The following CTNNA3 variants were observed in gnomAD, a reference collection of about 807,000 sequenced individuals.
CTNNA3 encodes catenin alpha-3.
CTNNA3 carries 76 observed loss-of-function variants against 95.7 expected under a neutral mutation model. The ratio of observed to expected loss-of-function variants is 0.79; its 90% confidence interval spans 0.66 to 0.96. The LOEUF is 0.96. Ranked by LOEUF, CTNNA3 falls within the 40% of genes least tolerant of loss-of-function variation. The pLI is 0.00. For synonymous variants in CTNNA3, 431 were observed against 374.4 expected (o/e 1.15, Z -1.74); for missense variants, 1,191 against 1,089.8 (o/e 1.09, Z -1.31).
At chr10:67,476,588 C>A (rs1181229074) in intron 5 of CTNNA3, among the ~76,000 whole-genome samples, 1 of 151,742 alleles carries the variant, frequency 6.6e-6, no homozygotes, top group African/African-American at 2.4e-5. Flanking sequence ...TTGCCTGGAA[C>A]AGCAGCCTGA....
At chr10:66,717,900 C>T (rs904735926) in intron 9 of CTNNA3, among the ~76,000 whole-genome samples, 4 of 152,146 alleles carry the variant, frequency 2.6e-5, no homozygotes, top group Admixed American at 1.3e-4. Flanking sequence ...CCCTTATGAA[C>T]CCAGTGTGTG....
At chr10:66,553,970 ATTATT>A (rs1435488556) in intron 10 of CTNNA3, among the ~76,000 whole-genome samples, 1 of 152,086 alleles carries the variant, frequency 6.6e-6, no homozygotes, top group African/African-American at 2.4e-5. Context: ...AAACATTATT[ATTATT>A]TTATTGTGTC....
chr10:66,621,932 A>AAAG (rs1484214116), intron 9 of CTNNA3, 148 bp from the exon 10 acceptor site: 1 of 524,992 alleles, frequency 1.9e-6, no homozygotes, highest in African/African-American at 2.0e-5. Flanking sequence ...CTATTTTATG[A>AAAG]AAGAATTCAG....
intron 5 of CTNNA3, among the ~76,000 whole-genome samples, chr10:67,519,525 T>A (rs1045558027): frequency 6.6e-6 from 1 of 152,186 alleles, no homozygotes; most frequent in African/African-American, 2.4e-5. Context: ...TGATTTTAAT[T>A]GCCTATAATC....
At chr10:65,998,128 A>T (rs1298897856) in intron 15 of CTNNA3, among the ~76,000 whole-genome samples, 1 of 152,246 alleles carries the variant, frequency 6.6e-6, no homozygotes, top group African/African-American at 2.4e-5. Context: ...TCAGGATTCT[A>T]CAAGGTAGGA....
At position 66,806,754 on chromosome 10, in the gene CTNNA3, ATATGTGTG is replaced by A. The variant is rs1453067887; in HGVS notation, c.1048-31238_1048-31231del. On this transcript the variant is annotated intron_variant, in intron 7 of 17. Coordinates refer to ENST00000433211, the MANE Select transcript of CTNNA3 (RefSeq NM_013266.4). ...TCTATATTTATAGAGAATGTGGCAT[ATATGTGTG>A]TGTGTGTGTGTGTGTGTGTGTGTGT... Among the ~76,000 whole-genome samples, 486 of 73,462 alleles carry A rather than the reference ATATGTGTG, an allele frequency of 6.6e-3. 2 individuals are homozygous for A. Among genetic ancestry groups the A allele is most frequent in the African/African-American group, 0.02 (336 of 16,854 alleles). The allele number at this position is 73,462 out of a possible 152,430, so 48.2% of individuals were successfully genotyped here.
intron 13 of CTNNA3, among the ~76,000 whole-genome samples, chr10:66,225,348 C>T (rs1451743367): frequency 6.8e-6 from 1 of 147,040 alleles, no homozygotes; most frequent in Non-Finnish European, 1.5e-5. Flanking sequence ...TCCAGACTCA[C>T]CCATGTTTCC....
intron 7 of CTNNA3, among the ~76,000 whole-genome samples, chr10:67,094,367 A>C (rs567998970): frequency 6.6e-6 from 1 of 152,014 alleles, no homozygotes; most frequent in African/African-American, 2.4e-5. Flanking sequence ...TAGGTCTTTT[A>C]AATTGAAGTA....
At chr10:66,876,225 G>A (rs1032378838) in intron 7 of CTNNA3, among the ~76,000 whole-genome samples, 1 of 151,988 alleles carries the variant, frequency 6.6e-6, no homozygotes, top group African/African-American at 2.4e-5. Flanking sequence ...AAAACTTGTC[G>A]GAAAAGAAAA....
intron 7 of CTNNA3, among the ~76,000 whole-genome samples, chr10:66,789,059 C>T (rs1205169292): frequency 2.6e-5 from 4 of 152,152 alleles, no homozygotes; most frequent in Admixed American, 2.6e-4. Flanking sequence ...GTTATAATAA[C>T]AAGTGCATTG....
intron 3 of CTNNA3, among the ~76,000 whole-genome samples, chr10:67,568,293 A>C (rs1217503049): frequency 1.3e-5 from 2 of 151,832 alleles, no homozygotes; most frequent in Admixed American, 6.6e-5. Context: ...TTAGTCAGAG[A>C]AAACCATTAC....
intron 15 of CTNNA3, among the ~76,000 whole-genome samples, chr10:66,052,885 C>T (rs10996861): frequency 0.21 from 31,968 of 151,884 alleles, 3,451 homozygotes; most frequent in Admixed American, 0.25. Context: ...TGAGACATGA[C>T]GAGGTTGAGG....
At chr10:67,275,663 A>T (rs1412145983) in intron 5 of CTNNA3, among the ~76,000 whole-genome samples, 1 of 152,198 alleles carries the variant, frequency 6.6e-6, no homozygotes, top group Non-Finnish European at 1.5e-5. Flanking sequence ...ATTCAAAAAA[A>T]GTGGAACCAA....
intron 15 of CTNNA3, among the ~76,000 whole-genome samples, chr10:66,050,817 G>A (rs1183383073): frequency 1.3e-5 from 2 of 151,708 alleles, no homozygotes; most frequent in African/African-American, 4.8e-5. Context: ...TAATCCACAG[G>A]ACATAGGCTG....
intron 9 of CTNNA3, among the ~76,000 whole-genome samples, chr10:66,665,190 T>C (rs1846406113): frequency 7.0e-6 from 1 of 142,906 alleles, no homozygotes; most frequent in Non-Finnish European, 1.5e-5. Flanking sequence ...ATATAAATTT[T>C]CTGCCTTTTC....
At chr10:66,229,820 G>T (rs2089499202) in intron 13 of CTNNA3, among the ~76,000 whole-genome samples, 1 of 151,968 alleles carries the variant, frequency 6.6e-6, no homozygotes. Flanking sequence ...CTGCCTTTTA[G>T]CATCTTTTCT....
intron 6 of CTNNA3, among the ~76,000 whole-genome samples, chr10:67,196,039 A>C (rs1231331153): frequency 6.6e-6 from 1 of 152,158 alleles, no homozygotes; most frequent in Non-Finnish European, 1.5e-5. Flanking sequence ...AGAAATAATA[A>C]GCACACAGCA....
chr10:67,363,445 TAACTA>T lies in CTNNA3; in HGVS notation c.580-143580_580-143576del, dbSNP rs781679273. Among the ~76,000 whole-genome samples, 176 of 151,334 alleles carry T rather than the reference TAACTA, an allele frequency of 1.2e-3. 1 individual carries two copies. Among genetic ancestry groups the T allele is most frequent in the Non-Finnish European group, 9.3e-4 (63 of 67,794 alleles). ...TCAAAAGCTAGCAGAAGGCAAGAAATAACTAAGATCAGAGCAGAACTGAAAAAGAA... is the reference window on the plus strand; with the variant it reads ...TCAAAAGCTAGCAGAAGGCAAGAAATAGATCAGAGCAGAACTGAAAAAGAA... On this transcript the variant is annotated intron_variant, in intron 5 of 17. Transcript: ENST00000433211.
intron 5 of CTNNA3, among the ~76,000 whole-genome samples, chr10:67,237,380 G>A (rs1787640252): frequency 6.6e-6 from 1 of 151,158 alleles, no homozygotes; most frequent in South Asian, 2.1e-4. Context: ...GGGACTTGGG[G>A]TGGGGAGGTG....
Sources: gnomAD v4.1 joint callset for allele counts (sites outside exome capture counted in the v4.1 genomes callset) on GRCh38, gnomAD v4.1.1 for gene constraint, MANE v1.5 for transcripts, NCBI Gene and HGNC (gene_info 2026-07-23, HGNC 2026-07-21) for gene names.